The following NPEPPS variants were observed in gnomAD, a reference collection of about 807,000 sequenced individuals.
NPEPPS encodes puromycin-sensitive aminopeptidase.
In NPEPPS, 14 loss-of-function variants were observed where a neutral mutation model predicts 115.5. The observed-to-expected ratio is 0.12, with a 90% CI of 0.08 to 0.19. The LOEUF is 0.19. NPEPPS is among the 10% of genes least tolerant of loss of function. NPEPPS has a pLI of 1.00. For missense variants in NPEPPS, 523 were observed against 1,110.8 expected (o/e 0.47, Z 7.52); for synonymous variants, 285 against 390.6 (o/e 0.73, Z 3.19).
chr17:47,545,523 ATTAG>A (rs1190211064), intron 1 of NPEPPS, among the ~76,000 whole-genome samples: 8 of 151,996 alleles, frequency 5.3e-5, no homozygotes, highest in Non-Finnish European at 1.0e-4. Context: ...TGACTGTGAT[ATTAG>A]TTCAAGTCTT....
At chr17:47,613,562 C>A in intron 18 of NPEPPS, 107 bp from the exon 19 acceptor site, 1 of 959,550 alleles carries the variant, frequency 1.0e-6, no homozygotes, top group East Asian at 2.6e-5. Flanking sequence ...TCACCGCAGC[C>A]GGCCAACATT....
chr17:47,565,776 CAGCACTGT>C (rs990395125), intron 2 of NPEPPS, among the ~76,000 whole-genome samples: 1 of 150,478 alleles, frequency 6.6e-6, no homozygotes. Flanking sequence ...GCCAAGATGG[CAGCACTGT>C]ACTCCAGGTT....
At position 47,612,579 on chromosome 17, in the gene NPEPPS, C is replaced by A. The variant is rs1395763439; in HGVS notation, c.2215C>A (p.Leu739Ile). 1.9e-6 allele frequency: 3 copies of A among 1,613,564 alleles called. No homozygotes were observed. Among genetic ancestry groups the A allele is most frequent in the Non-Finnish European group, 2.5e-6 (3 of 1,179,772 alleles). The part of the protein sequence containing the change: ...FKDHVEGKQI[L>I]SADLRSPVYL... Reference sequence around the variant, plus strand: ...GGACCACGTGGAAGGAAAACAGATTCTCTCCGCTGATCTGAGGAGTCCTGT... The same window carrying A: ...GGACCACGTGGAAGGAAAACAGATTATCTCCGCTGATCTGAGGAGTCCTGT... Residue 739 changes from leucine to isoleucine, a missense_variant, in exon 18 of 23, where the codon CTC becomes ATC. Physicochemically the swap from Leu to Ile is conservative, Grantham distance 5. This residue lies in a region of NPEPPS where 372 missense variants were observed against 542.6 expected (regional missense o/e 0.69). Transcript: ENST00000322157.
intron 12 of NPEPPS, chr17:47,592,824 A>G (rs753686447): frequency 1.6e-5 from 5 of 314,782 alleles, no homozygotes; most frequent in Non-Finnish European, 3.1e-5. Context: ...GTCAGTATAC[A>G]TGTGCGGGCC....
chr17:47,568,217 A>G (rs1411266190), intron 2 of NPEPPS, among the ~76,000 whole-genome samples: 1 of 149,110 alleles, frequency 6.7e-6, no homozygotes, highest in Non-Finnish European at 1.5e-5. Context: ...AGGCTGGAGT[A>G]CAGTGGCACA....
At chr17:47,616,545 G>A (rs1029830516) in intron 19 of NPEPPS, among the ~76,000 whole-genome samples, 3 of 152,056 alleles carry the variant, frequency 2.0e-5, no homozygotes, top group Non-Finnish European at 2.9e-5. Context: ...TTCGCCGGGT[G>A]TGGTGGCGGG....
intron 3 of NPEPPS, among the ~76,000 whole-genome samples, chr17:47,573,090 C>A (rs1031635710): frequency 6.6e-6 from 1 of 152,054 alleles, no homozygotes; most frequent in Non-Finnish European, 1.5e-5. Context: ...GAGAAACTTT[C>A]AAAAAGACAG....
intron 14 of NPEPPS, among the ~76,000 whole-genome samples, chr17:47,600,872 C>T (rs758617664): frequency 1.8e-4 from 27 of 152,090 alleles, no homozygotes; most frequent in Non-Finnish European, 2.9e-4. Flanking sequence ...ATTAACCCTT[C>T]GATATTTCAG....
intron 2 of NPEPPS, chr17:47,557,320 G>T (rs1289086118): frequency 6.6e-6 from 1 of 151,514 alleles, no homozygotes; most frequent in African/African-American, 2.4e-5. Context: ...TCAAGTGATC[G>T]GTTCGCCTTG....
At chr17:47,583,455 C>T (rs1912008332) in intron 5 of NPEPPS, among the ~76,000 whole-genome samples, 1 of 151,866 alleles carries the variant, frequency 6.6e-6, no homozygotes. Context: ...TGTGGTTGCA[C>T]ACACCTGTAG....
intron 1 of NPEPPS, among the ~76,000 whole-genome samples, chr17:47,539,619 G>A (rs921903090): frequency 6.6e-6 from 1 of 152,028 alleles, no homozygotes; most frequent in African/African-American, 2.4e-5. Flanking sequence ...CTTCAGGTAG[G>A]TGCGTATTAT....
At chr17:47,619,421 G>A (rs932279427) in intron 21 of NPEPPS, 7 of 515,044 alleles carry the variant, frequency 1.4e-5, no homozygotes, top group African/African-American at 7.7e-5. Flanking sequence ...GAGCGTGGTG[G>A]TGTGTGCCTG....
intron 4 of NPEPPS, chr17:47,580,466 T>A (rs1911804877): frequency 6.6e-6 from 1 of 152,134 alleles, no homozygotes; most frequent in Non-Finnish European, 1.5e-5. Context: ...TTCTGAAAAG[T>A]CTTTCATTTG....
At chr17:47,528,221 GA>G (rs1907518330), upstream of NPEPPS, among the ~76,000 whole-genome samples, 2 of 152,006 alleles carry the variant, frequency 1.3e-5, no homozygotes, top group African/African-American at 4.8e-5. Context: ...AGAATTGCTT[GA>G]ACCCATGAGG....
chr17:47,562,607 A>AGTGTGTGT (rs4060776), intron 2 of NPEPPS, among the ~76,000 whole-genome samples: 5 of 147,382 alleles, frequency 3.4e-5, no homozygotes, highest in African/African-American at 9.9e-5. Flanking sequence ...TTTGATGCAG[A>AGTGTGTGT]GTGTGTGTGT....
intron 13 of NPEPPS, among the ~76,000 whole-genome samples, chr17:47,599,092 G>T (rs911099780): frequency 3.9e-5 from 6 of 152,146 alleles, no homozygotes; most frequent in African/African-American, 1.4e-4. Context: ...TCTTGATTAT[G>T]ATCTGTTTCT....
intron 2 of NPEPPS, among the ~76,000 whole-genome samples, chr17:47,553,807 A>G (rs1358957480): frequency 4.6e-5 from 7 of 150,942 alleles, no homozygotes; most frequent in African/African-American, 1.2e-4. Flanking sequence ...CTGGAGTGCA[A>G]TGGTGCAATC....
chr17:47,584,861 T>C (rs1912089861), intron 5 of NPEPPS, among the ~76,000 whole-genome samples: 1 of 152,184 alleles, frequency 6.6e-6, no homozygotes, highest in Non-Finnish European at 1.5e-5. Flanking sequence ...GGAGTCTCGC[T>C]GTGTCGCCCA....
chr17:47,603,969 G>A lies in NPEPPS; in HGVS notation c.1795G>A (p.Glu599Lys). ...YRTQYSSAML[E>K]SLLPGIRDLS... ...GACCCAGTACAGCTCTGCCATGCTG[G>A]AAAGTTTATTACCAGGCATTCGTGA... The change falls in exon 16 of 23, where the codon GAA (glutamate) becomes AAA (lysine). Residue 599 changes from glutamate (E) to lysine (K), a missense_variant. Glu to Lys is a moderately conservative substitution (Grantham distance 56). This residue lies in a region of NPEPPS where 372 missense variants were observed against 542.6 expected (regional missense o/e 0.69). Coordinates refer to ENST00000322157, the MANE Select transcript of NPEPPS (RefSeq NM_006310.4). 1 of 1,613,736 alleles carries A rather than the reference G, an allele frequency of 6.2e-7. No homozygotes were observed. Among genetic ancestry groups the A allele is most frequent in the Non-Finnish European group, 8.5e-7 (1 of 1,179,742 alleles).
Sources: gnomAD v4.1 joint callset for allele counts (sites outside exome capture counted in the v4.1 genomes callset) on GRCh38, gnomAD v4.1.1 for gene constraint, gnomAD v4.1.1 regional missense constraint, MANE v1.5 for transcripts, NCBI Gene and HGNC (gene_info 2026-07-23, HGNC 2026-07-21) for gene names.